Variants in ATRX observed in about 807,000 individuals in gnomAD.
ATRX encodes chromatin remodeler ATRX.
ATRX carries 12 observed loss-of-function variants against 172.6 expected under a neutral mutation model. The observed-to-expected ratio is 0.07, with a 90% CI of 0.04 to 0.11. The LOEUF is 0.11. Among genes scored for constraint, ATRX ranks in the 10% least tolerant of loss-of-function variants. The probability of loss-of-function intolerance (pLI) is 1.00; values close to 1 mark genes in which losing one functional copy is unlikely to be tolerated. For synonymous variants in ATRX, 674 were observed against 594.7 expected, an observed-to-expected ratio of 1.13 and a Z score of -1.94; for missense variants, 1,368 against 1,767.4, an observed-to-expected ratio of 0.77 and a Z score of 4.05.
intron 27 of ATRX, chrX:77,575,685 A>T (rs1396286836): frequency 1.8e-5 from 2 of 111,863 alleles, no homozygotes; most frequent in East Asian, 5.6e-4. Context: ...GTTTAATCTC[A>T]GTTTCACCAT....
intron 1 of ATRX, among the ~76,000 whole-genome samples, chrX:77,735,661 G>T (rs1367933515): frequency 1.1e-5 from 1 of 93,181 alleles, no homozygotes; most frequent in Non-Finnish European, 2.1e-5. Context: ...AATCAGACGG[G>T]CATGGTGGTG....
At chrX:77,532,710 T>A (rs1388248986) in intron 30 of ATRX, among the ~76,000 whole-genome samples, 1 of 111,462 alleles carries the variant, frequency 9.0e-6, no homozygotes, top group African/African-American at 3.3e-5. Context: ...ATCTAGGCAA[T>A]ACCATTCAGG....
At chrX:77,741,682 G>A (rs782297297) in intron 1 of ATRX, among the ~76,000 whole-genome samples, 7 of 110,901 alleles carry the variant, frequency 6.3e-5, no homozygotes, top group African/African-American at 1.6e-4. Context: ...GGCTGGTCTC[G>A]AACTCCTGAC....
intron 6 of ATRX, among the ~76,000 whole-genome samples, chrX:77,689,969 A>G (rs2071796873): frequency 8.9e-6 from 1 of 112,240 alleles, no homozygotes; most frequent in South Asian, 3.7e-4. Flanking sequence ...ACAAAACATC[A>G]CATATATTTT....
At chrX:77,719,303 T>C (rs1557167370) in intron 1 of ATRX, among the ~76,000 whole-genome samples, 1 of 111,213 alleles carries the variant, frequency 9.0e-6, no homozygotes, top group African/African-American at 3.3e-5. Context: ...AGATATACAC[T>C]TCTCAAAAGA....
chrX:77,602,805 T>C (rs1557087909), intron 22 of ATRX, among the ~76,000 whole-genome samples: 1 of 111,067 alleles, frequency 9.0e-6, no homozygotes, highest in Non-Finnish European at 1.9e-5. Context: ...TAATGATAAA[T>C]GCCTATGTCA....
intron 25 of ATRX, among the ~76,000 whole-genome samples, chrX:77,598,153 G>A (rs1335836609): frequency 9.0e-6 from 1 of 111,498 alleles, no homozygotes; most frequent in African/African-American, 3.3e-5. Context: ...ACAGCTGGAG[G>A]CCATTATATA....
chrX:77,702,618 T>C (rs1466544421), intron 2 of ATRX, among the ~76,000 whole-genome samples: 2 of 110,368 alleles, frequency 1.8e-5, no homozygotes, highest in African/African-American at 6.6e-5. Flanking sequence ...GGAAATAATT[T>C]GAAAAAAAAA....
chrX:77,526,456 C>T (rs1425429723), intron 30 of ATRX, among the ~76,000 whole-genome samples: 1 of 111,290 alleles, frequency 9.0e-6, no homozygotes, highest in Non-Finnish European at 1.9e-5. Context: ...GTACTCGCTA[C>T]CACGCATGGC....
intron 21 of ATRX, among the ~76,000 whole-genome samples, chrX:77,617,019 T>C (rs782031739): frequency 3.6e-5 from 4 of 111,076 alleles, no homozygotes; most frequent in East Asian, 5.7e-4. Flanking sequence ...GTTTTCAAAA[T>C]AGTCTTCTCT....
At chrX:77,615,746 A>T (rs2067328602) in intron 22 of ATRX, among the ~76,000 whole-genome samples, 1 of 111,489 alleles carries the variant, frequency 9.0e-6, no homozygotes, top group Non-Finnish European at 1.9e-5. Flanking sequence ...TCTAGGATGC[A>T]CTGCTATTAA....
chrX:77,733,355 A>G (rs1347583229), intron 1 of ATRX, among the ~76,000 whole-genome samples: 4 of 111,502 alleles, frequency 3.6e-5, no homozygotes, highest in Non-Finnish European at 7.5e-5. Context: ...AACTATACTA[A>G]GCAGAAAGAA....
intron 1 of ATRX, among the ~76,000 whole-genome samples, chrX:77,771,134 T>C (rs1166581961): frequency 1.8e-5 from 2 of 111,224 alleles, no homozygotes; most frequent in East Asian, 5.6e-4. Context: ...TCCCAGCACT[T>C]TGGGAGGCCG....
intron 4 of ATRX, 88 bp downstream of exon 4, chrX:77,697,495 G>T: frequency 1.1e-6 from 1 of 920,007 alleles, no homozygotes; most frequent in South Asian, 2.1e-5. Context: ...AATAGTGGTT[G>T]ACATGAGTTC....
intron 1 of ATRX, among the ~76,000 whole-genome samples, chrX:77,733,108 A>G (rs1230191753): frequency 4.5e-5 from 5 of 112,085 alleles, no homozygotes; most frequent in Non-Finnish European, 9.4e-5. Flanking sequence ...ATTTCTAAAC[A>G]TCGACAGTGA....
chrX:77,696,714 A>G lies in ATRX; in HGVS notation c.243-10T>C. On this transcript the variant is annotated splice_polypyrimidine_tract_variant and intron_variant, in intron 4 of 34. Coordinates refer to ENST00000373344, the MANE Select transcript of ATRX (RefSeq NM_000489.6). ...TACAATTGAAGGTTTCCTATGAAAG[A>G]ATTAAGTTCATAGAATTATGAATGT... 1 of 1,185,522 alleles carries G rather than the reference A, an allele frequency of 8.4e-7. No homozygotes were observed. The highest frequency in any genetic ancestry group is 1.1e-6 in the Non-Finnish European group (1 of 872,812).
intron 27 of ATRX, among the ~76,000 whole-genome samples, chrX:77,587,116 A>G (rs1557077548): frequency 9.0e-6 from 1 of 111,490 alleles, no homozygotes; most frequent in Non-Finnish European, 1.9e-5. Flanking sequence ...AGTTATGTAC[A>G]GCCATATGAC....
rs1425762826 is a variant in ATRX at position 77,774,188 on chromosome X, C to G, written c.20+11794G>C. On this transcript the variant is annotated intron_variant, in intron 1 of 34. Coordinates refer to ENST00000373344, the MANE Select transcript of ATRX (RefSeq NM_000489.6). The stretch of plus-strand genomic sequence containing the variant: ...AGTGAGCCAAGACTATGCCATTGCA[C>G]TCCAGCCTGGGCAACAAGAGCAAAA... 3.7e-5 allele frequency among the ~76,000 whole-genome samples: 4 copies of G among 109,070 alleles called. No individual in the cohort carries two copies. In the East Asian group the frequency reaches 1.2e-3, roughly 31 times the overall value. 94.7% of individuals were successfully genotyped at this position (109,070 alleles called of 115,157 possible).
intron 30 of ATRX, among the ~76,000 whole-genome samples, chrX:77,539,302 T>C (rs1227205189): frequency 9.0e-6 from 1 of 110,926 alleles, no homozygotes; most frequent in Non-Finnish European, 1.9e-5. Context: ...AAGTAGATAG[T>C]ATAAGCACTC....
Sources: allele counts gnomAD v4.1 joint callset (sites outside exome capture counted in the v4.1 genomes callset), GRCh38; gene constraint gnomAD v4.1.1; transcripts MANE v1.5; gene names NCBI Gene and HGNC (gene_info 2026-07-23, HGNC 2026-07-21).